The following SPTA1 variants were observed in gnomAD, a reference collection of about 807,000 sequenced individuals.
SPTA1 encodes spectrin alpha, erythrocytic 1.
A neutral mutation model predicts 324.7 loss-of-function variants in SPTA1; 177 were observed. The ratio of observed to expected loss-of-function variants is 0.55; its 90% CI spans 0.48 to 0.62. The LOEUF (loss-of-function observed/expected upper bound fraction) is 0.62, where lower values mean the gene tolerates loss of function less well. Ranked by LOEUF, SPTA1 falls within the 20% of genes least tolerant of loss-of-function variation. The pLI, the probability that SPTA1 is intolerant of heterozygous loss-of-function variation, is 0.00. For missense variants in SPTA1, 3,162 were observed against 2,883.6 expected, an observed-to-expected ratio of 1.10 and a Z score of -2.21; for synonymous variants, 1,195 against 1,041.3, an observed-to-expected ratio of 1.15 and a Z score of -2.84.
chr1:158,671,934 C>A, intron 11 of SPTA1, 125 bp downstream of exon 11: 1 of 1,234,728 alleles, frequency 8.1e-7, no homozygotes, highest in Non-Finnish European at 1.2e-6. Context: ...TTGTGGATCA[C>A]CCTTTAGTTC....
At chr1:158,618,274 G>C (rs374032201) in intron 45 of SPTA1, among the ~76,000 whole-genome samples, 98 of 152,310 alleles carry the variant, frequency 6.4e-4, no homozygotes, top group African/African-American at 2.3e-3. Context: ...AGGACAAGGA[G>C]CACCAATGTC....
intron 24 of SPTA1, 123 bp downstream of exon 24, chr1:158,651,244 T>C: frequency 4.0e-6 from 3 of 750,940 alleles, no homozygotes; most frequent in Non-Finnish European, 7.4e-6. Context: ...GCTAATTCCA[T>C]ACTGCTGTTA....
Position 158,673,938 on chromosome 1 carries a change from G to C in SPTA1, c.1350+391C>G, listed in dbSNP as rs546583735. Among the ~76,000 whole-genome samples, 17 of 152,262 alleles carry C rather than the reference G, an allele frequency of 1.1e-4. No homozygotes were observed. The East Asian group carries it at 3.3e-3, about 29-fold the overall frequency. ...AAAATATTTTTTAAAAATTCCATCT[G>C]TACTGAGCATGTACAGACTTTTTGC... On this transcript the variant is annotated intron_variant, in intron 10 of 51. Coordinates refer to ENST00000643759, the MANE Select transcript of SPTA1 (RefSeq NM_003126.4).
intron 20 of SPTA1, among the ~76,000 whole-genome samples, chr1:158,655,313 GTC>G (rs1652756266): frequency 7.5e-6 from 1 of 133,578 alleles, no homozygotes; most frequent in South Asian, 2.1e-4. Context: ...AGTATCTTGT[GTC>G]TCAGTTTAGT....
intron 17 of SPTA1, 135 bp downstream of exon 17, chr1:158,662,567 G>A (rs909281930): frequency 2.0e-5 from 24 of 1,213,566 alleles, no homozygotes; most frequent in Admixed American, 4.9e-5. Flanking sequence ...TGAAGGACTG[G>A]ACAAATTTTC....
chr1:158,673,819 T>A (rs969125806), intron 10 of SPTA1, among the ~76,000 whole-genome samples: 1 of 152,164 alleles, frequency 6.6e-6, no homozygotes, highest in Non-Finnish European at 1.5e-5. Context: ...CATCATGTCT[T>A]GAAAATTTCA....
chr1:158,683,788 ATT>A lies in SPTA1; in HGVS notation c.265-294_265-293del, dbSNP rs35379131. Reference sequence around the variant, plus strand: ...CCTCATCAGAAAAGAGGAATAACTGATTTTTTTTTGGAAGTAGAGCACAATGA... The same window carrying A: ...CCTCATCAGAAAAGAGGAATAACTGATTTTTTTGGAAGTAGAGCACAATGA... On this transcript the variant is annotated intron_variant, in intron 2 of 51. Transcript: ENST00000643759. Among the ~76,000 whole-genome samples, 13 of 151,342 alleles carry A rather than the reference ATT, an allele frequency of 8.6e-5. No individual in the cohort carries two copies. The East Asian group carries it at 2.1e-3, about 25-fold the overall frequency.
chr1:158,639,422 C>A, intron 35 of SPTA1, 160 bp downstream of exon 35: 2 of 721,046 alleles, frequency 2.8e-6, no homozygotes, highest in South Asian at 3.1e-5. Context: ...TTAATGTCTT[C>A]ACAGCCCGTT....
chr1:158,636,452 G>T (rs1651075325), intron 37 of SPTA1, among the ~76,000 whole-genome samples, 189 bp downstream of exon 37: 1 of 152,138 alleles, frequency 6.6e-6, no homozygotes, highest in Non-Finnish European at 1.5e-5. Flanking sequence ...ATGGGTTCTT[G>T]TTCAGAACTC....
intron 41 of SPTA1, 51 bp from the exon 42 acceptor site, chr1:158,626,273 T>A: frequency 1.9e-6 from 3 of 1,548,526 alleles, no homozygotes; most frequent in South Asian, 2.2e-5. Flanking sequence ...CTTGTTTGAG[T>A]CCTGGGAAGC....
chr1:158,655,721 A>G lies in SPTA1; in HGVS notation c.2898+843T>C, dbSNP rs1466531901. ...GTAAGAAGTGTGTCTCTTTTTTTCT[A>G]CCACTACATATAGTAGACATTGTTA... is the stretch of plus-strand genomic sequence containing the variant. On this transcript the variant is annotated intron_variant, in intron 20 of 51. Coordinates refer to ENST00000643759, the MANE Select transcript of SPTA1 (RefSeq NM_003126.4). Among the ~76,000 whole-genome samples the G allele has an allele frequency of 2.6e-4, 39 of 152,050 alleles. 2 individuals carry two copies. The highest frequency in any genetic ancestry group is 2.4e-3 in the Admixed American group (36 of 15,274).
intron 44 of SPTA1, among the ~76,000 whole-genome samples, chr1:158,619,655 C>G (rs1033256572): frequency 6.6e-6 from 1 of 152,064 alleles, no homozygotes; most frequent in African/African-American, 2.4e-5. Flanking sequence ...ACAAAAGCAG[C>G]CTTAAAGGGC....
intron 33 of SPTA1, among the ~76,000 whole-genome samples, chr1:158,641,576 T>C (rs750131995): frequency 2.0e-5 from 3 of 152,140 alleles, no homozygotes; most frequent in Non-Finnish European, 2.9e-5. Context: ...TCATCACTGG[T>C]CATCAGAGAA....
intron 20 of SPTA1, among the ~76,000 whole-genome samples, chr1:158,656,356 A>G (rs894953530): frequency 7.2e-5 from 11 of 152,256 alleles, no homozygotes; most frequent in African/African-American, 2.4e-5. Context: ...TGAAGACATG[A>G]TACCATTTAT....
chr1:158,667,363 T>C (rs1041022492), intron 15 of SPTA1, among the ~76,000 whole-genome samples: 1 of 152,218 alleles, frequency 6.6e-6, no homozygotes, highest in Non-Finnish European at 1.5e-5. Context: ...TAAGATCTTA[T>C]AGCAAGCCTA....
At chr1:158,638,511 C>A (rs1055678541) in intron 35 of SPTA1, among the ~76,000 whole-genome samples, 6 of 152,006 alleles carry the variant, frequency 3.9e-5, no homozygotes, top group Admixed American at 2.0e-4. Flanking sequence ...TATTTGCCTT[C>A]TCTCCCCAAC....
chr1:158,670,193 TCTCCTTCTATCTCTAG>T (rs1242300678), intron 12 of SPTA1, among the ~76,000 whole-genome samples: 7 of 152,156 alleles, frequency 4.6e-5, no homozygotes, highest in Admixed American at 1.3e-4. Flanking sequence ...TCTATCTCTA[TCTCCTTCTATCTCTAG>T]CTCTAGCTAT....
intron 5 of SPTA1, among the ~76,000 whole-genome samples, chr1:158,680,312 G>A (rs1039699851): frequency 5.9e-5 from 9 of 152,012 alleles, no homozygotes; most frequent in African/African-American, 1.9e-4. Context: ...TATATAAATG[G>A]CAATAGCTTC....
Position 158,685,346 on chromosome 1 carries a change from A to G in SPTA1, c.26T>C (p.Val9Ala). The G allele has an allele frequency of 6.2e-7, 1 of 1,612,964 alleles. No homozygotes were observed. Among genetic ancestry groups the G allele is most frequent in the Non-Finnish European group, 8.5e-7 (1 of 1,179,720 alleles). Residue 9 changes from valine (V) to alanine (A), a missense_variant and splice_region_variant, in exon 2 of 52, where the codon GTT becomes GCT. Transcript: ENST00000643759. ...AACCTTTGGCCCACTGCTCTCCACA[A>G]CCTGCAAGTTAAAAAGATTCTGTTA... MEQFPKET[V>A]VESSGPKVLE...
Sources: gnomAD v4.1 joint callset for allele counts (sites outside exome capture counted in the v4.1 genomes callset) on GRCh38, gnomAD v4.1.1 for gene constraint, MANE v1.5 for transcripts, NCBI Gene and HGNC (gene_info 2026-07-23, HGNC 2026-07-21) for gene names.